PTPRT: variants seen among roughly 807,000 people sequenced by gnomAD.
PTPRT encodes protein tyrosine phosphatase receptor type T.
PTPRT carries 56 observed loss-of-function variants against 176.8 expected under a neutral mutation model. That is an observed-to-expected ratio of 0.32 (90% CI 0.26 to 0.40). The LOEUF is 0.40. Among genes scored for constraint, PTPRT ranks in the 10% least tolerant of loss-of-function variants. The pLI is 1.00. For synonymous variants in PTPRT, 783 were observed against 739.0 expected (o/e 1.06, Z -0.96); for missense variants, 1,540 against 1,908.2 (o/e 0.81, Z 3.60).
At chr20:42,381,731 T>C (rs139189490) in intron 9 of PTPRT, among the ~76,000 whole-genome samples, 1 of 152,020 alleles carries the variant, frequency 6.6e-6, no homozygotes, top group Non-Finnish European at 1.5e-5. Context: ...GGGAGAAATA[T>C]GTAAATGACC....
chr20:43,003,703 A>G (rs1264392088), intron 1 of PTPRT, among the ~76,000 whole-genome samples: 1 of 152,222 alleles, frequency 6.6e-6, no homozygotes, highest in Non-Finnish European at 1.5e-5. Context: ...ACTGCTAGTT[A>G]GAAAGGCAGA....
chr20:42,172,004 A>C (rs1288330416), intron 16 of PTPRT, among the ~76,000 whole-genome samples: 1 of 152,152 alleles, frequency 6.6e-6, no homozygotes, highest in Non-Finnish European at 1.5e-5. Context: ...ATACACAGAA[A>C]AATACACCTC....
chr20:42,896,365 G>A (rs553468509), intron 1 of PTPRT, among the ~76,000 whole-genome samples: 3 of 152,216 alleles, frequency 2.0e-5, no homozygotes, highest in East Asian at 1.9e-4. Flanking sequence ...TGCCAGGCGC[G>A]ATGGCTCATG....
chr20:42,212,505 G>A (rs570118630), intron 15 of PTPRT, among the ~76,000 whole-genome samples: 39 of 151,160 alleles, frequency 2.6e-4, no homozygotes, highest in Admixed American at 5.3e-4. Flanking sequence ...GTTTTCCCTC[G>A]TATCAGGAGG....
chr20:42,117,560 C>T (rs951997611), intron 21 of PTPRT, among the ~76,000 whole-genome samples: 1 of 152,102 alleles, frequency 6.6e-6, no homozygotes, highest in Non-Finnish European at 1.5e-5. Flanking sequence ...ATTTAGAGGT[C>T]AGGGGAAGAA....
At chr20:42,932,201 T>C (rs1247690840) in intron 1 of PTPRT, among the ~76,000 whole-genome samples, 2 of 152,082 alleles carry the variant, frequency 1.3e-5, no homozygotes, top group African/African-American at 4.8e-5. Context: ...AAGACGTAGG[T>C]TAGAACTGTG....
intron 11 of PTPRT, among the ~76,000 whole-genome samples, chr20:42,339,584 C>T (rs989908307): frequency 1.4e-4 from 22 of 152,146 alleles, no homozygotes; most frequent in Admixed American, 3.9e-4. Flanking sequence ...TTCTCCATAC[C>T]TGAGGCCACC....
intron 7 of PTPRT, among the ~76,000 whole-genome samples, chr20:42,545,482 T>C (rs561604302): frequency 6.6e-6 from 1 of 152,226 alleles, no homozygotes; most frequent in East Asian, 1.9e-4. Flanking sequence ...GATTCTTTTT[T>C]TCCCAGGTAC....
chr20:42,835,564 G>A (rs545257174), intron 2 of PTPRT, among the ~76,000 whole-genome samples: 2 of 152,112 alleles, frequency 1.3e-5, no homozygotes, highest in Non-Finnish European at 2.9e-5. Context: ...GAGAATGAGA[G>A]GGGAAGGGCT....
chr20:42,159,949 C>T (rs1050541764), intron 17 of PTPRT, among the ~76,000 whole-genome samples: 7 of 152,130 alleles, frequency 4.6e-5, no homozygotes, highest in African/African-American at 1.2e-4. Flanking sequence ...CCCAGTTTAG[C>T]ACAATTTCAT....
At chr20:43,168,468 C>T (rs954585524) in intron 1 of PTPRT, among the ~76,000 whole-genome samples, 2 of 152,146 alleles carry the variant, frequency 1.3e-5, no homozygotes, top group Non-Finnish European at 2.9e-5. Context: ...GGTTGGGAAT[C>T]CTCTAGTGGC....
At chr20:42,209,841 C>T (rs549847266) in intron 15 of PTPRT, among the ~76,000 whole-genome samples, 1 of 152,020 alleles carries the variant, frequency 6.6e-6, no homozygotes, top group South Asian at 2.1e-4. Context: ...AGAGACACAA[C>T]AAAAAAAGAG....
intron 7 of PTPRT, among the ~76,000 whole-genome samples, chr20:42,602,170 C>T (rs1419458260): frequency 6.6e-6 from 1 of 152,164 alleles, no homozygotes; most frequent in Non-Finnish European, 1.5e-5. Context: ...TCCCACAACT[C>T]TGGGCCACTA....
At chr20:42,694,918 T>A (rs530848107) in intron 6 of PTPRT, among the ~76,000 whole-genome samples, 29 of 152,168 alleles carry the variant, frequency 1.9e-4, no homozygotes, top group Admixed American at 9.8e-4. Context: ...TAGGATAGGA[T>A]CTGCTTCCAA....
intron 1 of PTPRT, among the ~76,000 whole-genome samples, chr20:43,034,148 C>T (rs1362945786): frequency 6.6e-6 from 1 of 152,160 alleles, no homozygotes; most frequent in Non-Finnish European, 1.5e-5. Context: ...CTTTCCTGAC[C>T]CACAGAAAGA....
chr20:42,505,683 T>C (rs988699120), intron 7 of PTPRT, among the ~76,000 whole-genome samples: 6 of 152,100 alleles, frequency 3.9e-5, no homozygotes, highest in East Asian at 3.9e-4. Flanking sequence ...TTTAGGGTCA[T>C]AGAAGGAGGG....
Position 42,080,829 on chromosome 20 carries a change from G to C in PTPRT, c.*50C>G. 1 of 1,550,990 alleles carries C rather than the reference G, an allele frequency of 6.4e-7. No homozygotes were observed. Among genetic ancestry groups the C allele is most frequent in the African/African-American group, 1.4e-5 (1 of 73,462 alleles). On this transcript the variant is annotated 3_prime_UTR_variant, in exon 31 of 31. Coordinates refer to ENST00000373187, the MANE Select transcript of PTPRT (RefSeq NM_007050.6). ...GTTACTGCCATTCACACAAAAGGGG[G>C]CTTGGTCACAGCAGCCTCTGGACTC...
chr20:43,058,437 G>A (rs1283851114), intron 1 of PTPRT, among the ~76,000 whole-genome samples: 1 of 151,978 alleles, frequency 6.6e-6, no homozygotes, highest in African/African-American at 2.4e-5. Context: ...AGAGAGAAAA[G>A]AGGATGGAAG....
At chr20:42,367,437 C>A (rs1336028418) in intron 9 of PTPRT, among the ~76,000 whole-genome samples, 1 of 152,166 alleles carries the variant, frequency 6.6e-6, no homozygotes, top group Non-Finnish European at 1.5e-5. Flanking sequence ...TTATTTTAGG[C>A]ACCTGAGATA....
Sources: allele counts gnomAD v4.1 joint callset (sites outside exome capture counted in the v4.1 genomes callset), GRCh38; gene constraint gnomAD v4.1.1; transcripts MANE v1.5; gene names NCBI Gene and HGNC (gene_info 2026-07-23, HGNC 2026-07-21).